Variants in ELK3 observed in about 807,000 individuals in gnomAD.
ELK3 encodes the protein ETS domain-containing protein Elk-3.
A neutral mutation model predicts 28.9 loss-of-function variants in ELK3; 10 were observed. The ratio of observed to expected loss-of-function variants is 0.35; its 90% CI spans 0.21 to 0.59. The LOEUF (loss-of-function observed/expected upper bound fraction) is 0.59. Among genes scored for constraint, ELK3 ranks in the 20% least tolerant of loss-of-function variants. ELK3 has a pLI of 0.82. For synonymous variants in ELK3, 272 were observed against 243.5 expected (o/e 1.12, Z -1.09); for missense variants, 463 against 517.3 (o/e 0.90, Z 1.02).
intron 2 of ELK3, 87 bp from the exon 3 acceptor site, chr12:96,246,853 C>T: frequency 7.3e-7 from 1 of 1,378,486 alleles, no homozygotes; most frequent in South Asian, 1.4e-5. Flanking sequence ...TTTGGTGCTT[C>T]TGCCAGCGAC....
In ELK3 at chr12:96,233,420, G is replaced by A. The variant is rs80341302; in HGVS notation, c.207+9647G>A. Among the ~76,000 whole-genome samples, 601 of 152,230 alleles carry A rather than the reference G, an allele frequency of 3.9e-3. 3 individuals carry two copies. Among genetic ancestry groups the A allele is most frequent in the African/African-American group, 0.014 (573 of 41,526 alleles). On this transcript the variant is annotated intron_variant, in intron 2 of 4. Transcript: ENST00000228741. ...TGGTGATAGGATGAAAAATCCTCCC[G>A]TCTCCACAGCAACCTCTTGGCTTAG...
intron 3 of ELK3, among the ~76,000 whole-genome samples, chr12:96,256,122 G>A (rs147481427): frequency 1.4e-3 from 218 of 152,318 alleles, no homozygotes; most frequent in Admixed American, 5.6e-3. Context: ...TGGGGAGACC[G>A]GAGGCAGGTG....
intron 1 of ELK3, among the ~76,000 whole-genome samples, chr12:96,214,912 C>T (rs187476462): frequency 2.6e-4 from 39 of 152,210 alleles, no homozygotes; most frequent in Non-Finnish European, 4.9e-4. Flanking sequence ...AGTATCATGA[C>T]ATGGAAATGC....
In ELK3 at chr12:96,267,493, A is replaced by T. The variant is rs1269319497; in HGVS notation, c.*313A>T. On this transcript the variant is annotated 3_prime_UTR_variant, in exon 5 of 5. Transcript: ENST00000228741. ...ATGGTTTTCAGTATAACTAATAAGG[A>T]TGTGAAGCTTTTTTCTCTTTAGTTC... 1 of 219,226 alleles carries T rather than the reference A, an allele frequency of 4.6e-6. No homozygotes were observed. Among genetic ancestry groups the T allele is most frequent in the Non-Finnish European group, 9.2e-6 (1 of 108,706 alleles). 13.6% of individuals were successfully genotyped at this position (219,226 alleles called of 1,614,324 possible). A position where few individuals can be genotyped will look rare whatever the true frequency, so the allele number is the denominator to read the frequency against.
chr12:96,225,789 A>T (rs1565782513), intron 2 of ELK3, among the ~76,000 whole-genome samples: 2 of 152,176 alleles, frequency 1.3e-5, no homozygotes, highest in Non-Finnish European at 2.9e-5. Context: ...AGTTCCAGGT[A>T]GGCAGTCAGG....
chr12:96,257,723 T>A (rs1280913905), intron 3 of ELK3, among the ~76,000 whole-genome samples: 1 of 152,224 alleles, frequency 6.6e-6, no homozygotes, highest in Non-Finnish European at 1.5e-5. Context: ...ATATTAGTTT[T>A]CAGAACACCT....
rs1271002648 is a variant in ELK3, at chr12:96,247,846, G to C, written c.1002+112G>C. Reference sequence around the variant, plus strand: ...CCCTCAAAACGTTGTCCTATGACTCGTACCGAGGTCACTGTGTAAATGTGA... The same window carrying C: ...CCCTCAAAACGTTGTCCTATGACTCCTACCGAGGTCACTGTGTAAATGTGA... On this transcript the variant is annotated intron_variant, in intron 3 of 4. Coordinates refer to ENST00000228741, the MANE Select transcript of ELK3 (RefSeq NM_005230.4). This position sits in a 1 kb window ranked among gnomAD's most constrained non-coding sequence, Gnocchi z 5.5. 1 of 1,278,810 alleles carries C rather than the reference G, an allele frequency of 7.8e-7. No homozygotes were observed. Among genetic ancestry groups the C allele is most frequent in the East Asian group, 2.5e-5 (1 of 39,226 alleles). 79.2% of individuals were successfully genotyped at this position (1,278,810 alleles called of 1,614,324 possible).
At chr12:96,215,186 C>CT (rs1230348697) in intron 1 of ELK3, among the ~76,000 whole-genome samples, 1 of 151,988 alleles carries the variant, frequency 6.6e-6, no homozygotes, top group Non-Finnish European at 1.5e-5. Context: ...ATTCTGCCCC[C>CT]TCAACTCCCA....
intron 2 of ELK3, among the ~76,000 whole-genome samples, chr12:96,237,207 G>A (rs912130943): frequency 6.6e-6 from 1 of 152,218 alleles, no homozygotes; most frequent in Non-Finnish European, 1.5e-5. Flanking sequence ...TCACTGCAGC[G>A]GTGGGTGGGG....
intron 1 of ELK3, among the ~76,000 whole-genome samples, chr12:96,205,545 C>T (rs1951533786): frequency 6.6e-6 from 1 of 152,192 alleles, no homozygotes. Flanking sequence ...ACAATCATAG[C>T]TCACTGCAGC....
intron 1 of ELK3, among the ~76,000 whole-genome samples, chr12:96,218,043 C>T (rs1951632621): frequency 6.6e-6 from 1 of 152,030 alleles, no homozygotes; most frequent in African/African-American, 2.4e-5. Flanking sequence ...TGACAAGCTG[C>T]TCTAAATCAT....
intron 2 of ELK3, among the ~76,000 whole-genome samples, chr12:96,225,047 A>T (rs529439202): frequency 9.2e-5 from 14 of 152,332 alleles, no homozygotes; most frequent in African/African-American, 3.1e-4. Flanking sequence ...ATCCTGACTT[A>T]CTGCAGAGTC....
chr12:96,195,022 C>G (rs1951453163), intron 1 of ELK3, among the ~76,000 whole-genome samples: 1 of 151,604 alleles, frequency 6.6e-6, no homozygotes, highest in Non-Finnish European at 1.5e-5. Flanking sequence ...GAAGGGGCGC[C>G]GGGCGTGCAA....
chr12:96,223,646 C>A lies in ELK3; in HGVS notation c.80C>A (p.Thr27Asn). 1 of 1,614,138 alleles carries A rather than the reference C, an allele frequency of 6.2e-7. No homozygotes were observed. Among genetic ancestry groups the A allele is most frequent in the African/African-American group, 1.3e-5 (1 of 74,998 alleles). ...DQKHEHLICW[T>N]SNDGEFKLLK... ...AAACATGAGCATTTGATCTGCTGGA[C>A]CTCGAACGATGGTGAATTCAAGCTC... Residue 27 changes from threonine to asparagine, a missense_variant, in exon 2 of 5, where the codon ACC (threonine) becomes AAC (asparagine). By Grantham distance (65) the Thr-to-Asn change is moderately conservative. Coordinates refer to ENST00000228741, the MANE Select transcript of ELK3 (RefSeq NM_005230.4).
At chr12:96,253,271 AT>A (rs1216282628) in intron 3 of ELK3, among the ~76,000 whole-genome samples, 1 of 152,228 alleles carries the variant, frequency 6.6e-6, no homozygotes, top group East Asian at 1.9e-4. Flanking sequence ...CACCAAAAAA[AT>A]AAATAAATAA....
chr12:96,213,034 G>A (rs1951587797), intron 1 of ELK3, among the ~76,000 whole-genome samples: 1 of 152,140 alleles, frequency 6.6e-6, no homozygotes, highest in South Asian at 2.1e-4. Context: ...GGGCTGTGTT[G>A]GAAGTGCTGG....
intron 1 of ELK3, among the ~76,000 whole-genome samples, chr12:96,198,432 A>G (rs1398746915): frequency 6.6e-6 from 1 of 152,200 alleles, no homozygotes; most frequent in Non-Finnish European, 1.5e-5. Context: ...AGCCCAGATG[A>G]CTGTCTTCTG....
chr12:96,217,028 G>T (rs1426404659), intron 1 of ELK3, among the ~76,000 whole-genome samples: 1 of 152,240 alleles, frequency 6.6e-6, no homozygotes, highest in Non-Finnish European at 1.5e-5. Context: ...GCTGAGGCAG[G>T]AGAGTTGCTT....
chr12:96,210,923 G>T (rs1409417616), intron 1 of ELK3, among the ~76,000 whole-genome samples: 1 of 152,212 alleles, frequency 6.6e-6, no homozygotes. Context: ...CTTAGCAGCA[G>T]TGAAGTGTGC....
Sources: allele counts gnomAD v4.1 joint callset (sites outside exome capture counted in the v4.1 genomes callset), GRCh38; gene constraint gnomAD v4.1.1; non-coding constraint Gnocchi (gnomAD v3.1); transcripts MANE v1.5; gene names NCBI Gene and HGNC (gene_info 2026-07-23, HGNC 2026-07-21).